Variants in PRKCB observed in about 807,000 individuals in gnomAD.
PRKCB encodes the protein protein kinase C beta type.
A neutral mutation model predicts 81.5 loss-of-function variants in PRKCB; 13 were observed. That is an observed-to-expected ratio of 0.16 (90% CI 0.10 to 0.25). PRKCB has a LOEUF of 0.25. Ranked by LOEUF, PRKCB falls within the 10% of genes least tolerant of loss-of-function variation. PRKCB has a pLI of 1.00. For missense variants in PRKCB, 509 were observed against 875.7 expected (o/e 0.58, Z 5.29); for synonymous variants, 335 against 321.4 (o/e 1.04, Z -0.45).
chr16:23,877,155 A>G (rs1179899605), intron 2 of PRKCB, among the ~76,000 whole-genome samples: 1 of 151,950 alleles, frequency 6.6e-6, no homozygotes, highest in Non-Finnish European at 1.5e-5. Context: ...CAAATTTCCC[A>G]CCTGGGTAAC....
chr16:23,915,295 G>A (rs1001300067), intron 2 of PRKCB, among the ~76,000 whole-genome samples: 4 of 152,002 alleles, frequency 2.6e-5, no homozygotes, highest in Admixed American at 1.3e-4. Flanking sequence ...ATTTTCTGGC[G>A]GCCCCTATGC....
chr16:23,922,274 A>C (rs1394645809), intron 2 of PRKCB, among the ~76,000 whole-genome samples: 1 of 152,188 alleles, frequency 6.6e-6, no homozygotes, highest in South Asian at 2.1e-4. Context: ...ACCCATGTTG[A>C]ATTGAATAGT....
At chr16:23,938,895 AAAGCATAC>A (rs922287550) in intron 2 of PRKCB, among the ~76,000 whole-genome samples, 2 of 152,242 alleles carry the variant, frequency 1.3e-5, no homozygotes, top group African/African-American at 2.4e-5. Context: ...AGAAAGAAAG[AAAGCATAC>A]AAAGAAAGAA....
chr16:24,110,967 A>G (rs187048635), intron 7 of PRKCB: 1 of 152,346 alleles, frequency 6.6e-6, no homozygotes, highest in East Asian at 1.9e-4. Flanking sequence ...AGATATTTCA[A>G]CGCTGATATA....
chr16:23,882,401 T>C (rs1963138726), intron 2 of PRKCB, among the ~76,000 whole-genome samples: 1 of 152,062 alleles, frequency 6.6e-6, no homozygotes. Flanking sequence ...TTTCTTGATT[T>C]TTAATAGAGA....
chr16:24,213,894 G>T (rs918234842), intron 16 of PRKCB, among the ~76,000 whole-genome samples: 4 of 152,182 alleles, frequency 2.6e-5, no homozygotes, highest in Admixed American at 1.3e-4. Flanking sequence ...GGTGAGAAAT[G>T]GCAATGGTTT....
At chr16:24,140,956 G>A (rs1371158127) in intron 9 of PRKCB, among the ~76,000 whole-genome samples, 1 of 152,142 alleles carries the variant, frequency 6.6e-6, no homozygotes, top group Non-Finnish European at 1.5e-5. Context: ...AAATGACTAA[G>A]GGCAGTTTGG....
intron 2 of PRKCB, among the ~76,000 whole-genome samples, chr16:23,848,044 G>A (rs1962408697): frequency 6.6e-6 from 1 of 152,160 alleles, no homozygotes; most frequent in Non-Finnish European, 1.5e-5. Flanking sequence ...GGTGTTTCAG[G>A]CACAGGACAG....
At chr16:23,905,855 T>G (rs1170763892) in intron 2 of PRKCB, among the ~76,000 whole-genome samples, 1 of 152,226 alleles carries the variant, frequency 6.6e-6, no homozygotes, top group Non-Finnish European at 1.5e-5. Context: ...AGCTTTTCCT[T>G]TTAATAATGT....
At chr16:23,867,285 A>AT (rs111644356) in intron 2 of PRKCB, among the ~76,000 whole-genome samples, 2,306 of 151,478 alleles carry the variant, frequency 0.015, 63 homozygotes, top group African/African-American at 0.052. Context: ...CACCTGGCTG[A>AT]TTTTTTTTGT....
intron 2 of PRKCB, among the ~76,000 whole-genome samples, chr16:23,953,334 G>A (rs1964308385): frequency 6.6e-6 from 1 of 152,172 alleles, no homozygotes; most frequent in Admixed American, 6.5e-5. Flanking sequence ...AGCTTCTCTT[G>A]AAAATGTGCA....
chr16:24,115,665 G>T (rs1394693780), intron 8 of PRKCB, among the ~76,000 whole-genome samples: 1 of 151,984 alleles, frequency 6.6e-6, no homozygotes, highest in East Asian at 1.9e-4. Context: ...TTATCCCAAA[G>T]ATTTTAGCAT....
Position 24,035,580 on chromosome 16 carries a change from C to T in PRKCB, c.529+33C>T, listed in dbSNP as rs764975842. 11 of 1,584,348 alleles carry T rather than the reference C, an allele frequency of 6.9e-6. No homozygotes were observed. The South Asian group carries it at 9.0e-5, about 13-fold the overall frequency. Reference sequence around the variant, plus strand: ...GCCCTGGGGCTCCACTGGCTCCTGACCTTGCTTGACCTGTGTGATTGAGAA... The same window carrying T: ...GCCCTGGGGCTCCACTGGCTCCTGATCTTGCTTGACCTGTGTGATTGAGAA... On this transcript the variant is annotated intron_variant, in intron 5 of 16. Coordinates refer to ENST00000643927, the MANE Select transcript of PRKCB (RefSeq NM_002738.7).
intron 2 of PRKCB, among the ~76,000 whole-genome samples, chr16:23,863,538 T>A (rs1962719873): frequency 6.6e-6 from 1 of 152,164 alleles, no homozygotes; most frequent in Non-Finnish European, 1.5e-5. Flanking sequence ...AAACTTAGGC[T>A]GCTGCACCCG....
In PRKCB at chr16:24,215,864, T is replaced by G. The variant is rs1968219609; in HGVS notation, c.*1048T>G. On this transcript the variant is annotated 3_prime_UTR_variant, in exon 17 of 17. Coordinates refer to ENST00000643927, the MANE Select transcript of PRKCB (RefSeq NM_002738.7). The stretch of plus-strand genomic sequence containing the variant: ...TTAAGTGCTCTGAAAAAGACACCGT[T>G]TCTTGAAACAAAGATGGTTGTATTC... 8 of 985,480 alleles carry G rather than the reference T, an allele frequency of 8.1e-6. No individual in the cohort carries two copies. The South Asian group carries it at 2.8e-4, about 35-fold the overall frequency. 61.0% of individuals were successfully genotyped at this position (985,480 alleles called of 1,614,324 possible).
At chr16:24,125,971 G>A (rs80277674) in intron 9 of PRKCB, among the ~76,000 whole-genome samples, 5,636 of 152,266 alleles carry the variant, frequency 0.037, 364 homozygotes, top group African/African-American at 0.13. Context: ...GTATCCCTGG[G>A]GTGGAGATGG....
chr16:24,216,198 G>C lies in PRKCB; in HGVS notation c.*1382G>C. The C allele has an allele frequency of 1.0e-6, 1 of 985,454 alleles. No homozygotes were observed. The highest frequency in any genetic ancestry group is 1.2e-6 in the Non-Finnish European group (1 of 829,994). 61.0% of individuals were successfully genotyped at this position (985,454 alleles called of 1,614,324 possible). On this transcript the variant is annotated 3_prime_UTR_variant, in exon 17 of 17. Coordinates refer to ENST00000643927, the MANE Select transcript of PRKCB (RefSeq NM_002738.7). ...AGGGGCTGCTGGTGGGCTGTAGTGGGGTGGGATGACCTGGCCAGAGCCAAC... is the reference window on the plus strand; with the variant it reads ...AGGGGCTGCTGGTGGGCTGTAGTGGCGTGGGATGACCTGGCCAGAGCCAAC...
intron 3 of PRKCB, among the ~76,000 whole-genome samples, chr16:24,029,949 A>T (rs555546385): frequency 6.6e-6 from 1 of 151,932 alleles, no homozygotes; most frequent in Non-Finnish European, 1.5e-5. Context: ...CCCAGGCTGG[A>T]GTGCAGTGAT....
At chr16:24,050,730 G>A (rs1005727689) in intron 5 of PRKCB, among the ~76,000 whole-genome samples, 2 of 152,062 alleles carry the variant, frequency 1.3e-5, no homozygotes, top group African/African-American at 4.8e-5. Flanking sequence ...ATTGGCAAAT[G>A]TGTCATGACC....
Sources: allele counts gnomAD v4.1 joint callset (sites outside exome capture counted in the v4.1 genomes callset), GRCh38; gene constraint gnomAD v4.1.1; transcripts MANE v1.5; gene names NCBI Gene and HGNC (gene_info 2026-07-23, HGNC 2026-07-21).